FAM135B: variants seen among roughly 807,000 people sequenced by gnomAD.
The protein encoded by FAM135B is family with sequence similarity 135 member B.
In FAM135B, 43 loss-of-function variants were observed where a neutral mutation model predicts 127.7. That is an observed-to-expected ratio of 0.34 (90% confidence interval 0.26 to 0.43). The LOEUF is 0.43. FAM135B is among the 20% of genes least tolerant of loss of function. FAM135B has a pLI of 1.00. For missense variants in FAM135B, 1,558 were observed against 1,725.6 expected, an observed-to-expected ratio of 0.90 and a Z score of 1.72; for synonymous variants, 670 against 665.1, an observed-to-expected ratio of 1.01 and a Z score of -0.11.
At position 138,275,529 on chromosome 8, in the gene FAM135B, T is replaced by G. The variant is rs116707571; in HGVS notation, c.158-9687A>C. Among the ~76,000 whole-genome samples the G allele has an allele frequency of 4.1e-3, 621 of 152,070 alleles. 6 individuals carry two copies. The highest frequency in any genetic ancestry group is 0.014 in the African/African-American group (580 of 41,494). ...GTGAGACCCTATCGCTATAATTTTT[T>G]TTGTGAATATATAAAATTAGCTGGG... On this transcript the variant is annotated intron_variant, in intron 3 of 19. Transcript: ENST00000395297.
At chr8:138,271,041 C>G (rs921712760) in intron 3 of FAM135B, among the ~76,000 whole-genome samples, 9 of 152,206 alleles carry the variant, frequency 5.9e-5, no homozygotes, top group African/African-American at 2.2e-4. Context: ...AGATTCATTT[C>G]TATCCTAAAC....
Position 138,349,110 on chromosome 8 carries a change from G to A in FAM135B, c.77+18797C>T, listed in dbSNP as rs1052947264. On this transcript the variant is annotated intron_variant, in intron 2 of 19. Coordinates refer to ENST00000395297, the MANE Select transcript of FAM135B (RefSeq NM_015912.4). ...CTGGGACTTTCGTGGTCTTAGCACT[G>A]AAAGTCTTACATTCCAGGAAACCCC... 1.4e-4 allele frequency among the ~76,000 whole-genome samples: 22 copies of A among 152,234 alleles called. 1 individual carries two copies. Among genetic ancestry groups the A allele is most frequent in the Admixed American group, 1.0e-3 (16 of 15,290 alleles).
chr8:138,311,556 A>G (rs1826685423), intron 2 of FAM135B, among the ~76,000 whole-genome samples: 1 of 152,142 alleles, frequency 6.6e-6, no homozygotes, highest in African/African-American at 2.4e-5. Context: ...CTTTGCAATT[A>G]ATGACTTTTT....
chr8:138,451,389 C>A (rs1260103890), intron 1 of FAM135B, among the ~76,000 whole-genome samples: 2 of 152,104 alleles, frequency 1.3e-5, no homozygotes, highest in Non-Finnish European at 2.9e-5. Context: ...TAGCAAAGGG[C>A]AGTTACTTGG....
intron 7 of FAM135B, among the ~76,000 whole-genome samples, chr8:138,202,679 G>A (rs11993223): frequency 0.74 from 112,994 of 152,126 alleles, 42,369 homozygotes; most frequent in East Asian, 0.82. Context: ...GTTGCTATTA[G>A]GGATTAAATG....
intron 1 of FAM135B, among the ~76,000 whole-genome samples, chr8:138,454,933 T>C (rs749736988): frequency 4.6e-5 from 7 of 152,226 alleles, no homozygotes; most frequent in East Asian, 1.9e-4. Flanking sequence ...TGGCATGTAG[T>C]AGACATTCAA....
chr8:138,375,102 C>T (rs1236831058), intron 1 of FAM135B, among the ~76,000 whole-genome samples: 2 of 152,104 alleles, frequency 1.3e-5, no homozygotes, highest in Admixed American at 1.3e-4. Context: ...TCTGAGCCTG[C>T]TGCTGCATCT....
intron 1 of FAM135B, among the ~76,000 whole-genome samples, chr8:138,446,013 G>T (rs891573683): frequency 6.6e-6 from 1 of 152,048 alleles, no homozygotes; most frequent in Non-Finnish European, 1.5e-5. Context: ...ACCAATAATG[G>T]AAAAACAGAG....
intron 18 of FAM135B, among the ~76,000 whole-genome samples, chr8:138,137,717 A>G (rs1467196767): frequency 6.6e-6 from 1 of 152,062 alleles, no homozygotes; most frequent in Non-Finnish European, 1.5e-5. Context: ...AGCCTTCACC[A>G]CGTCCCATGC....
At chr8:138,238,854 A>G (rs1001836926) in intron 7 of FAM135B, among the ~76,000 whole-genome samples, 1 of 152,176 alleles carries the variant, frequency 6.6e-6, no homozygotes, top group African/African-American at 2.4e-5. Flanking sequence ...GCATAATTGG[A>G]TGGGACTCAA....
chr8:138,415,028 C>A (rs1834061834), intron 1 of FAM135B, among the ~76,000 whole-genome samples: 1 of 152,084 alleles, frequency 6.6e-6, no homozygotes, highest in East Asian at 1.9e-4. Context: ...GACTGAGGAT[C>A]CTATGGGAAG....
chr8:138,438,367 C>A (rs1371900296), intron 1 of FAM135B: 1 of 151,738 alleles, frequency 6.6e-6, no homozygotes, highest in East Asian at 1.9e-4. Flanking sequence ...GGGGCAGAAT[C>A]AAAAAATATA....
chr8:138,325,515 T>A (rs1232755814), intron 2 of FAM135B, among the ~76,000 whole-genome samples: 1 of 152,168 alleles, frequency 6.6e-6, no homozygotes, highest in Non-Finnish European at 1.5e-5. Context: ...TGGAAAGATT[T>A]CAAGAAAATT....
intron 7 of FAM135B, among the ~76,000 whole-genome samples, chr8:138,226,183 G>A (rs916807526): frequency 1.0e-4 from 15 of 144,922 alleles, no homozygotes; most frequent in African/African-American, 4.0e-4. Flanking sequence ...GTGTGTGTGT[G>A]TGCGCGCATG....
rs1205986937 is a variant in FAM135B, at chr8:138,151,845, C to A, written c.2630G>T (p.Gly877Val). ...GACGCGTGGTATTTTTAAATTAAGA[C>A]CTTTGGTTTCAACACCTGGAGTGTT... Reference protein sequence around the residue: ...TENTPGVETKGLNLKIPRVIA... With the variant: ...TENTPGVETKVLNLKIPRVIA... The change falls in exon 13 of 20, where the codon GGT becomes GTT. Residue 877 changes from glycine to valine, a missense_variant. Physicochemically the swap from Gly to Val is moderately radical, Grantham distance 109. Transcript: ENST00000395297. 3 of 1,614,154 alleles carry A rather than the reference C, an allele frequency of 1.9e-6. No individual in the cohort carries two copies. Among genetic ancestry groups the A allele is most frequent in the Non-Finnish European group, 2.5e-6 (3 of 1,180,036 alleles).
chr8:138,363,014 T>C (rs758224357), intron 2 of FAM135B, among the ~76,000 whole-genome samples: 10 of 152,174 alleles, frequency 6.6e-5, no homozygotes, highest in Non-Finnish European at 8.8e-5. Flanking sequence ...AATGTCAATA[T>C]GCAGAAATGG....
Position 138,351,514 on chromosome 8 carries a change from G to A in FAM135B, c.77+16393C>T, listed in dbSNP as rs568577169. Among the ~76,000 whole-genome samples the A allele has an allele frequency of 9.2e-5, 14 of 152,054 alleles. 1 individual carries two copies. Among genetic ancestry groups the A allele is most frequent in the Admixed American group, 9.2e-4 (14 of 15,250 alleles). On this transcript the variant is annotated intron_variant, in intron 2 of 19. Transcript: ENST00000395297. ...GGATAAAGGCATGGAACGGATCCTC[G>A]CAGTCCTGAGAAAGAAGAAATGCCA...
At chr8:138,299,060 A>AAAATAAATAAATAAAT (rs372645406) in intron 3 of FAM135B, among the ~76,000 whole-genome samples, 1 of 136,152 alleles carries the variant, frequency 7.3e-6, no homozygotes, top group Non-Finnish European at 1.5e-5. Flanking sequence ...ATTCAGTCTC[A>AAAATAAATAAATAAAT]AAATAAATAA....
chr8:138,138,281 G>T (rs1175147113), intron 18 of FAM135B, among the ~76,000 whole-genome samples: 1 of 152,218 alleles, frequency 6.6e-6, no homozygotes, highest in Non-Finnish European at 1.5e-5. Flanking sequence ...GCTCACAGAT[G>T]AGCCCGTGGC....
Sources: allele counts gnomAD v4.1 joint callset (sites outside exome capture counted in the v4.1 genomes callset), GRCh38; gene constraint gnomAD v4.1.1; transcripts MANE v1.5; gene names NCBI Gene and HGNC (gene_info 2026-07-23, HGNC 2026-07-21).